The following DNAI4 variants were observed in gnomAD, a reference collection of about 807,000 sequenced individuals.
DNAI4 encodes dynein axonemal intermediate chain 4.
DNAI4 carries 85 observed loss-of-function variants against 105.8 expected under a neutral mutation model. The ratio of observed to expected loss-of-function variants is 0.80; its 90% CI spans 0.67 to 0.96. The LOEUF (loss-of-function observed/expected upper bound fraction) is 0.96, where lower values mean the gene tolerates loss of function less well. Ranked by LOEUF, DNAI4 falls within the 40% of genes least tolerant of loss-of-function variation. The pLI is 0.00. For synonymous variants in DNAI4, 352 were observed against 331.5 expected (o/e 1.06, Z -0.67); for missense variants, 1,014 against 1,005.6 (o/e 1.01, Z -0.11).
In DNAI4 at chr1:66,890,749, A is replaced by AGAGGAG. The variant is rs746961223; in HGVS notation, c.643+399_643+404dup. Reference sequence around the variant, plus strand: ...AGGGAGAGGAAGAGGGGGAGAAGGAAGAGGAGGAGGAGGAAGAGGAAGAAG... The same window carrying AGAGGAG: ...AGGGAGAGGAAGAGGGGGAGAAGGAAGAGGAGGAGGAGGAGGAGGAAGAGGAAGAAG... On this transcript the variant is annotated intron_variant, in intron 4 of 16. Coordinates refer to ENST00000371026, the MANE Select transcript of DNAI4 (RefSeq NM_024763.5). This position sits in a 1 kb window ranked among gnomAD's most constrained non-coding sequence, Gnocchi z 4.1. 2.9e-5 allele frequency: 7 copies of AGAGGAG among 239,948 alleles called. No homozygotes were observed. Among genetic ancestry groups the AGAGGAG allele is most frequent in the South Asian group, 1.4e-4 (3 of 20,968 alleles). The allele number at this position is 239,948 out of a possible 1,614,324, so 14.9% of individuals were successfully genotyped here. A position where few individuals can be genotyped will look rare whatever the true frequency, so the allele number is the denominator to read the frequency against.
intron 7 of DNAI4, among the ~76,000 whole-genome samples, chr1:66,859,975 A>C (rs1569609164): frequency 6.6e-6 from 1 of 152,282 alleles, no homozygotes; most frequent in African/African-American, 2.4e-5. Context: ...ATGGATTTTA[A>C]TTAATAATAA....
chr1:66,882,783 T>C (rs1025116532), intron 4 of DNAI4, among the ~76,000 whole-genome samples: 5 of 152,092 alleles, frequency 3.3e-5, no homozygotes, highest in African/African-American at 1.2e-4. Context: ...AAATCCTCTG[T>C]TCTTCAATAT....
chr1:66,911,323 A>C (rs1356230685), intron 1 of DNAI4, among the ~76,000 whole-genome samples: 1 of 152,004 alleles, frequency 6.6e-6, no homozygotes, highest in Non-Finnish European at 1.5e-5. Context: ...CCTTTTAGAA[A>C]CCTCCATGTG....
chr1:66,905,234 T>C lies in DNAI4; in HGVS notation c.312A>G (p.Val104=). ...TVLIPPELKT[V]EKPNPNIKTT... ...TCTTTATATTGGGATTTGGTTTTTCTACAGTTTTCAGTTCAGGTGGAATAA... is the reference window on the plus strand; with the variant it reads ...TCTTTATATTGGGATTTGGTTTTTCCACAGTTTTCAGTTCAGGTGGAATAA... Residue 104 remains valine, a synonymous_variant, in exon 2 of 17, where the codon GTA becomes GTG. Coordinates refer to ENST00000371026, the MANE Select transcript of DNAI4 (RefSeq NM_024763.5). The C allele has an allele frequency of 6.4e-7, 1 of 1,559,834 alleles. No homozygotes were observed.
intron 4 of DNAI4, among the ~76,000 whole-genome samples, chr1:66,889,355 G>A (rs970223298): frequency 6.6e-6 from 1 of 151,966 alleles, no homozygotes; most frequent in African/African-American, 2.4e-5. Flanking sequence ...TCTTTAATGT[G>A]GATAAAATGC....
intron 8 of DNAI4, among the ~76,000 whole-genome samples, chr1:66,844,432 G>A (rs765875343): frequency 2.6e-5 from 4 of 151,954 alleles, no homozygotes; most frequent in South Asian, 4.2e-4. Context: ...TAGTAGTGGC[G>A]TGCACCTATA....
At chr1:66,902,280 A>G (rs754903589) in intron 2 of DNAI4, among the ~76,000 whole-genome samples, 1 of 151,968 alleles carries the variant, frequency 6.6e-6, no homozygotes, top group Non-Finnish European at 1.5e-5. Context: ...GTGGTGTCTT[A>G]CTGTGATTTT....
At chr1:66,921,740 G>A (rs1368533486) in intron 1 of DNAI4, among the ~76,000 whole-genome samples, 3 of 152,106 alleles carry the variant, frequency 2.0e-5, no homozygotes, top group Non-Finnish European at 4.4e-5. Context: ...TGTTACTGAA[G>A]TAAACACTCA....
intron 10 of DNAI4, among the ~76,000 whole-genome samples, chr1:66,836,302 AAGAAAGAAAGAAAGAAAG>A (rs1646020487): frequency 1.3e-5 from 2 of 150,568 alleles, no homozygotes; most frequent in Non-Finnish European, 3.0e-5. Flanking sequence ...GAAAGAAAGA[AAGAAAGAAAGAAAGAAAG>A]AAAGAAGGAA....
At chr1:66,862,037 G>T in intron 7 of DNAI4, 110 bp downstream of exon 7, 1 of 1,047,554 alleles carries the variant, frequency 9.5e-7, no homozygotes, top group Non-Finnish European at 1.4e-6. Flanking sequence ...AGTAAAAGTT[G>T]TACTTTTCAT....
chr1:66,836,144 G>A (rs1473776941), intron 10 of DNAI4, among the ~76,000 whole-genome samples: 1 of 18,126 alleles, frequency 5.5e-5, no homozygotes, highest in Non-Finnish European at 1.2e-4. Flanking sequence ...AGAAAGAAAA[G>A]AAAGAAAGAA....
In DNAI4 at chr1:66,870,442, C is replaced by CAA. The variant is rs570013620; in HGVS notation, c.940+926_940+927dup. Among the ~76,000 whole-genome samples the CAA allele has an allele frequency of 9.3e-3, 823 of 88,770 alleles. 13 individuals carry two copies. The highest frequency in any genetic ancestry group is 0.027 in the African/African-American group (697 of 26,170). 58.2% of individuals were successfully genotyped at this position (88,770 alleles called of 152,430 possible). A position where few individuals can be genotyped will look rare whatever the true frequency, so the allele number is the denominator to read the frequency against. ...GGGTGACAAGAGCGAAACTGTGCCT[C>CAA]AAAAAAAAAAAAAAAAGAATATAAC... is the stretch of plus-strand genomic sequence containing the variant. On this transcript the variant is annotated intron_variant, in intron 6 of 16. Coordinates refer to ENST00000371026, the MANE Select transcript of DNAI4 (RefSeq NM_024763.5).
At chr1:66,825,187 T>G (rs1032174205) in intron 15 of DNAI4, among the ~76,000 whole-genome samples, 1 of 147,096 alleles carries the variant, frequency 6.8e-6, no homozygotes, top group Non-Finnish European at 1.5e-5. Context: ...TTTTTTTTTT[T>G]TTTGAGACGG....
intron 7 of DNAI4, among the ~76,000 whole-genome samples, chr1:66,858,854 A>G (rs933230370): frequency 2.6e-5 from 4 of 152,186 alleles, no homozygotes; most frequent in Admixed American, 1.3e-4. Context: ...AACATCATAC[A>G]TAATGGTGAG....
At chr1:66,921,568 T>A (rs1487222409) in intron 1 of DNAI4, among the ~76,000 whole-genome samples, 1 of 152,232 alleles carries the variant, frequency 6.6e-6, no homozygotes, top group Non-Finnish European at 1.5e-5. Context: ...TATGAAATTG[T>A]CAACATTTAA....
rs1400653528 is a variant in DNAI4, at chr1:66,864,710, G to A, written c.941-2408C>T. Among the ~76,000 whole-genome samples, 4 of 152,104 alleles carry A rather than the reference G, an allele frequency of 2.6e-5. No homozygotes were observed. The East Asian group carries it at 5.8e-4, about 22-fold the overall frequency. On this transcript the variant is annotated intron_variant, in intron 6 of 16. Coordinates refer to ENST00000371026, the MANE Select transcript of DNAI4 (RefSeq NM_024763.5). ...ACTAAAAATAGCTGTGCATGGTGGCGGACACCTATAGACCCAGCTACTCCG... is the reference window on the plus strand; with the variant it reads ...ACTAAAAATAGCTGTGCATGGTGGCAGACACCTATAGACCCAGCTACTCCG...
At chr1:66,866,929 G>A (rs1569651613) in intron 6 of DNAI4, among the ~76,000 whole-genome samples, 1 of 152,162 alleles carries the variant, frequency 6.6e-6, no homozygotes, top group East Asian at 1.9e-4. Context: ...CACAGTCATG[G>A]TGGAAGGTAT....
intron 1 of DNAI4, among the ~76,000 whole-genome samples, chr1:66,910,562 C>T (rs1477492112): frequency 6.6e-6 from 1 of 152,224 alleles, no homozygotes; most frequent in Non-Finnish European, 1.5e-5. Flanking sequence ...CCTCTCCCCA[C>T]CTGCCCTAAT....
intron 8 of DNAI4, among the ~76,000 whole-genome samples, chr1:66,846,441 A>C (rs982267646): frequency 2.0e-5 from 3 of 152,200 alleles, no homozygotes; most frequent in Admixed American, 6.5e-5. Context: ...CTGGAAATAC[A>C]ATAGGCAAAC....
Sources: gnomAD v4.1 joint callset for allele counts (sites outside exome capture counted in the v4.1 genomes callset) on GRCh38, gnomAD v4.1.1 for gene constraint, Gnocchi (gnomAD v3.1) non-coding constraint, MANE v1.5 for transcripts, NCBI Gene and HGNC (gene_info 2026-07-23, HGNC 2026-07-21) for gene names.